ASCC1: variants seen among roughly 807,000 people sequenced by gnomAD.
ASCC1 encodes ASC-1 complex subunit P50.
ASCC1 carries 35 observed loss-of-function variants against 46.6 expected under a neutral mutation model. The ratio of observed to expected loss-of-function variants is 0.75; its 90% CI spans 0.57 to 0.99. The LOEUF is 0.99. Among genes scored for constraint, ASCC1 ranks in the 50% least tolerant of loss-of-function variants. ASCC1 has a pLI of 0.00. For synonymous variants in ASCC1, 143 were observed against 146.6 expected, an observed-to-expected ratio of 0.98 and a Z score of 0.18; for missense variants, 376 against 428.7, an observed-to-expected ratio of 0.88 and a Z score of 1.09.
chr10:72,134,424 A>G (rs999747621), intron 7 of ASCC1: 3 of 152,348 alleles, frequency 2.0e-5, no homozygotes, highest in African/African-American at 7.2e-5. Flanking sequence ...GCAGAGTGAG[A>G]TCACGTCTCT....
At chr10:72,115,804 TTATTCAGAC>T (rs1843434474) in intron 9 of ASCC1, among the ~76,000 whole-genome samples, 1 of 152,138 alleles carries the variant, frequency 6.6e-6, no homozygotes, top group South Asian at 2.1e-4. Context: ...TTTATAGTGT[TTATTCAGAC>T]TAGAGAAATG....
At chr10:72,157,147 A>C (rs1849079536) in intron 6 of ASCC1, among the ~76,000 whole-genome samples, 1 of 152,200 alleles carries the variant, frequency 6.6e-6, no homozygotes, top group African/African-American at 2.4e-5. Flanking sequence ...AGCCTTGATC[A>C]TAATAAGTCT....
intron 5 of ASCC1, among the ~76,000 whole-genome samples, chr10:72,173,506 T>G (rs1439011739): frequency 6.6e-6 from 1 of 152,160 alleles, no homozygotes; most frequent in Non-Finnish European, 1.5e-5. Context: ...AAAGTCCTTT[T>G]TGGAATTATG....
intron 9 of ASCC1, 65 bp downstream of exon 9, chr10:72,128,017 T>C (rs1193903638): frequency 8.0e-7 from 1 of 1,244,524 alleles, no homozygotes; most frequent in Non-Finnish European, 1.2e-6. Context: ...GGAGAACTAC[T>C]TGTTTTCCTG....
At chr10:72,149,387 T>A (rs1031815961) in intron 7 of ASCC1, among the ~76,000 whole-genome samples, 3 of 123,402 alleles carry the variant, frequency 2.4e-5, no homozygotes, top group East Asian at 2.4e-4. Flanking sequence ...GCAGTAAGCC[T>A]AGATCACGCC....
chr10:72,214,469 G>T (rs1307597653), intron 1 of ASCC1, among the ~76,000 whole-genome samples: 1 of 145,408 alleles, frequency 6.9e-6, no homozygotes, highest in Non-Finnish European at 1.5e-5. Context: ...TCTGCCTCCC[G>T]GGTTTAAGCG....
intron 4 of ASCC1, among the ~76,000 whole-genome samples, chr10:72,201,353 C>T (rs533948692): frequency 6.6e-6 from 1 of 152,236 alleles, no homozygotes; most frequent in Non-Finnish European, 1.5e-5. Flanking sequence ...AAAAAGAGTA[C>T]TTATAATTTT....
At chr10:72,206,843 T>C (rs1384629680) in intron 3 of ASCC1, among the ~76,000 whole-genome samples, 2 of 151,960 alleles carry the variant, frequency 1.3e-5, no homozygotes, top group African/African-American at 4.8e-5. Flanking sequence ...GGGTGCTAAG[T>C]GGAAATGTTA....
chr10:72,161,649 AAAATGCTGCTGTC>A lies in ASCC1; in HGVS notation c.502_514del (p.Asp168SerfsTer9). ...TAGATGAAGCTTTTTAGGATTCTGG[AAAATGCTGCTGTC>A]AACCCCATGATCCTGTTATCAAAGA... On this transcript the variant is annotated frameshift_variant, in exon 6 of 10. Transcript: ENST00000672957. LOFTEE classifies it high-confidence loss of function. 6.2e-7 allele frequency: 1 copy of A among 1,614,182 alleles called. No homozygotes were observed. Among genetic ancestry groups the A allele is most frequent in the Non-Finnish European group, 8.5e-7 (1 of 1,180,020 alleles).
chr10:72,155,665 T>C (rs1015702680), intron 6 of ASCC1, among the ~76,000 whole-genome samples: 1 of 152,252 alleles, frequency 6.6e-6, no homozygotes, highest in African/African-American at 2.4e-5. Context: ...CTGTAATTAC[T>C]GGTTTTCCTA....
At position 72,183,003 on chromosome 10, in the gene ASCC1, A is replaced by AT. The variant is rs534666582; in HGVS notation, c.489+13807dup. Among the ~76,000 whole-genome samples the AT allele has an allele frequency of 2.5e-3, 356 of 142,020 alleles. 2 individuals carry two copies. The highest frequency in any genetic ancestry group is 0.017 in the East Asian group (87 of 5,006). 93.2% of individuals were successfully genotyped at this position (142,020 alleles called of 152,430 possible). ...TTTTTCTACATTGAAATTATTTCCA[A>AT]TAAAAAAAAAAGGCTGCCAGATAAG... is the stretch of plus-strand genomic sequence containing the variant. On this transcript the variant is annotated intron_variant, in intron 5 of 9. Transcript: ENST00000672957.
intron 9 of ASCC1, among the ~76,000 whole-genome samples, chr10:72,105,296 C>A (rs1842220898): frequency 1.3e-5 from 2 of 152,206 alleles, no homozygotes; most frequent in African/African-American, 4.8e-5. Flanking sequence ...CCCTCTGGGG[C>A]TTTGGGGATC....
intron 9 of ASCC1, among the ~76,000 whole-genome samples, chr10:72,113,973 A>G (rs1843203716): frequency 6.6e-6 from 1 of 152,210 alleles, no homozygotes; most frequent in Non-Finnish European, 1.5e-5. Context: ...TTGTAAAATT[A>G]GCACCATTTA....
chr10:72,172,831 T>C (rs1237297764), intron 5 of ASCC1, among the ~76,000 whole-genome samples: 22 of 133,696 alleles, frequency 1.6e-4, no homozygotes, highest in Admixed American at 1.0e-3. Context: ...ATATATTTTA[T>C]ATTTTTATAT....
rs1418539741 is a variant in ASCC1 at position 72,203,295 on chromosome 10, A to AG, written c.310+131_310+132insC. On this transcript the variant is annotated intron_variant, in intron 4 of 9. Transcript: ENST00000672957. ...GGGCAAAACTCCGTCTCAAAAAAAAAAAAAAAGAAAAGAAAAAGCCCATAG... is the reference window on the plus strand; with the variant it reads ...GGGCAAAACTCCGTCTCAAAAAAAAAGAAAAAAGAAAAGAAAAAGCCCATAG... The AG allele has an allele frequency of 5.1e-6, 4 of 787,302 alleles. No homozygotes were observed. In the East Asian group the frequency reaches 9.9e-5, roughly 19 times the overall value. 48.8% of individuals were successfully genotyped at this position (787,302 alleles called of 1,614,324 possible).
At chr10:72,104,984 G>T (rs1169442434) in intron 9 of ASCC1, among the ~76,000 whole-genome samples, 1 of 152,122 alleles carries the variant, frequency 6.6e-6, no homozygotes, top group Non-Finnish European at 1.5e-5. Flanking sequence ...AGACTTTGGG[G>T]TAAGATTACT....
At chr10:72,188,114 ACTT>A (rs1272265247) in intron 5 of ASCC1, among the ~76,000 whole-genome samples, 18 of 146,122 alleles carry the variant, frequency 1.2e-4, no homozygotes, top group South Asian at 4.3e-4. Context: ...GGTTTCTAAT[ACTT>A]CTTCTTTTTT....
intron 5 of ASCC1, among the ~76,000 whole-genome samples, chr10:72,177,985 C>A (rs1246482870): frequency 1.3e-5 from 2 of 151,992 alleles, no homozygotes; most frequent in African/African-American, 2.4e-5. Context: ...CAGATGAACA[C>A]AAAGAAAGGT....
chr10:72,191,696 CAGT>C (rs1375563309), intron 5 of ASCC1, among the ~76,000 whole-genome samples: 1 of 151,762 alleles, frequency 6.6e-6, no homozygotes, highest in Admixed American at 6.6e-5. Context: ...GCCCAGGCTA[CAGT>C]ACAATGGCGT....
Sources: allele counts gnomAD v4.1 joint callset (sites outside exome capture counted in the v4.1 genomes callset), GRCh38; gene constraint gnomAD v4.1.1; transcripts MANE v1.5; gene names NCBI Gene and HGNC (gene_info 2026-07-23, HGNC 2026-07-21).